The following FBXO47 variants were observed in gnomAD, a reference collection of about 807,000 sequenced individuals.
FBXO47 encodes F-box protein 47, also known as F-box only protein 47.
Under a neutral mutation model 53.9 loss-of-function variants are expected in FBXO47, and 34 were observed. The observed-to-expected ratio is 0.63, with a 90% CI of 0.48 to 0.84. The LOEUF (loss-of-function observed/expected upper bound fraction) is 0.84, where lower values mean the gene tolerates loss of function less well. Ranked by LOEUF, FBXO47 falls within the 40% of genes least tolerant of loss-of-function variation. The pLI, the probability that FBXO47 is intolerant of heterozygous loss-of-function variation, is 0.00. For missense variants in FBXO47, 485 were observed against 541.3 expected (o/e 0.90, Z 1.03); for synonymous variants, 165 against 181.6 (o/e 0.91, Z 0.73).
Position 38,962,953 on chromosome 17 carries a change from T to C in FBXO47, c.73A>G (p.Ser25Gly), listed in dbSNP as rs766059758. 2 of 1,613,350 alleles carry C rather than the reference T, an allele frequency of 1.2e-6. No individual in the cohort carries two copies. The highest frequency in any genetic ancestry group is 1.7e-6 in the Non-Finnish European group (2 of 1,179,516). ...GAGCCAAGGGTCTTGGAATAACAGC[T>C]GGTTTGACGATTACTACGTCTAAGT... ...QKLRRSNRQT[S>G]CYSKTLGSGF... Residue 25 changes from serine to glycine, a missense_variant, in exon 2 of 11, where the codon AGC (serine) becomes GGC (glycine). Physicochemically the swap from Ser to Gly is moderately conservative, Grantham distance 56. Coordinates refer to ENST00000378079, the MANE Select transcript of FBXO47 (RefSeq NM_001008777.3).
At chr17:38,956,781 T>C (rs753240277) in intron 4 of FBXO47, among the ~76,000 whole-genome samples, 5 of 152,128 alleles carry the variant, frequency 3.3e-5, no homozygotes, top group Admixed American at 6.6e-5. Flanking sequence ...TCATTTTATA[T>C]ATTAAAATAC....
chr17:38,946,570 A>C (rs1179157570), intron 6 of FBXO47, among the ~76,000 whole-genome samples: 1 of 84,022 alleles, frequency 1.2e-5, no homozygotes, highest in Non-Finnish European at 2.0e-5. Flanking sequence ...AACTATATAA[A>C]TATATATGAA....
intron 1 of FBXO47, among the ~76,000 whole-genome samples, chr17:38,966,735 C>T (rs1279959450): frequency 2.0e-5 from 3 of 152,132 alleles, no homozygotes; most frequent in Non-Finnish European, 4.4e-5. Flanking sequence ...ACTCAAGTCT[C>T]CACTTATAGT....
chr17:38,952,700 T>C (rs1905355024), intron 5 of FBXO47, among the ~76,000 whole-genome samples: 1 of 152,040 alleles, frequency 6.6e-6, no homozygotes, highest in East Asian at 1.9e-4. Context: ...AACCATGCTG[T>C]GGCTTTAAGA....
chr17:38,951,603 T>C lies in FBXO47; in HGVS notation c.594A>G (p.Gln198=). The change falls in exon 6 of 11, where the codon CAA becomes CAG. Residue 198 remains glutamine, a synonymous_variant. Transcript: ENST00000378079. Reference sequence around the variant, plus strand: ...TACCTGGTTTGCTGCAGACAGCCATTTGTATCTTGCGGCAGAGATTAGTCA... The same window carrying C: ...TACCTGGTTTGCTGCAGACAGCCATCTGTATCTTGCGGCAGAGATTAGTCA... ...CELTNLCRKI[Q]MAVCSKPGSA... is the part of the protein sequence containing the mutation. 6.2e-7 allele frequency: 1 copy of C among 1,613,786 alleles called. No homozygotes were observed. Among genetic ancestry groups the C allele is most frequent in the East Asian group, 2.2e-5 (1 of 44,876 alleles).
At chr17:38,939,652 CTTTTTT>C (rs970784178) in intron 9 of FBXO47, among the ~76,000 whole-genome samples, 3 of 91,122 alleles carry the variant, frequency 3.3e-5, no homozygotes, top group East Asian at 3.8e-4. Context: ...TAAAAGGTTT[CTTTTTT>C]TTTTTTTTTT....
chr17:38,958,792 T>C (rs1218173176), intron 3 of FBXO47, among the ~76,000 whole-genome samples: 1 of 152,160 alleles, frequency 6.6e-6, no homozygotes, highest in Non-Finnish European at 1.5e-5. Flanking sequence ...GAGTAACACA[T>C]GAACAGAATT....
intron 5 of FBXO47, 114 bp downstream of exon 5, chr17:38,954,742 T>G: frequency 1.8e-6 from 1 of 561,400 alleles, no homozygotes; most frequent in Non-Finnish European, 3.0e-6. Context: ...TATTTTATTT[T>G]GCTCTTTTTA....
chr17:38,959,801 A>G (rs921774989), intron 3 of FBXO47, among the ~76,000 whole-genome samples: 1 of 151,418 alleles, frequency 6.6e-6, no homozygotes, highest in African/African-American at 2.4e-5. Flanking sequence ...TTTGTCCTCT[A>G]ATTTGTTTCC....
At chr17:38,964,528 G>A (rs931595436) in intron 1 of FBXO47, among the ~76,000 whole-genome samples, 1 of 152,008 alleles carries the variant, frequency 6.6e-6, no homozygotes, top group African/African-American at 2.4e-5. Context: ...CCTGGGAGGC[G>A]GAGGTTGCTG....
chr17:38,945,960 TATATAA>T (rs1904748436), intron 6 of FBXO47, among the ~76,000 whole-genome samples: 19 of 131,396 alleles, frequency 1.4e-4, no homozygotes, highest in Admixed American at 6.9e-4. Flanking sequence ...TATATATATA[TATATAA>T]ATATATAAAT....
chr17:38,962,074 G>T (rs1352402084), intron 2 of FBXO47, 27 bp from the exon 3 acceptor site: 3 of 1,578,890 alleles, frequency 1.9e-6, no homozygotes, highest in Admixed American at 1.9e-5. Context: ...ATATGTGTAT[G>T]TATCAATGGC....
chr17:38,937,068 A>G lies in FBXO47; in HGVS notation c.*107T>C. On this transcript the variant is annotated 3_prime_UTR_variant, in exon 11 of 11. Coordinates refer to ENST00000378079, the MANE Select transcript of FBXO47 (RefSeq NM_001008777.3). ...TATCCAGCTTTTGAATTCTTAGGTT[A>G]CTTAGATGATAAAAAGTCCCATGGA... The G allele has an allele frequency of 2.2e-6, 1 of 464,562 alleles. No homozygotes were observed. The highest frequency in any genetic ancestry group is 5.3e-5 in the South Asian group (1 of 18,962). 28.8% of individuals were successfully genotyped at this position (464,562 alleles called of 1,614,324 possible).
At chr17:38,945,181 G>T in intron 6 of FBXO47, 45 bp from the exon 7 acceptor site, 2 of 1,431,542 alleles carry the variant, frequency 1.4e-6, no homozygotes, top group Non-Finnish European at 2.0e-6. Context: ...TAGAAAGGCT[G>T]CTGTGCATAT....
intron 6 of FBXO47, among the ~76,000 whole-genome samples, chr17:38,950,308 A>G (rs1054092079): frequency 2.6e-5 from 4 of 151,924 alleles, no homozygotes; most frequent in African/African-American, 9.7e-5. Flanking sequence ...CTCACTTAGC[A>G]TAATGTTTTC....
intron 7 of FBXO47, among the ~76,000 whole-genome samples, chr17:38,944,247 C>A (rs1904643252): frequency 1.4e-5 from 2 of 145,022 alleles, no homozygotes; most frequent in Non-Finnish European, 3.0e-5. Flanking sequence ...GCTTCTTGGC[C>A]AGGCACAGTA....
At chr17:38,946,395 T>C (rs1280383298) in intron 6 of FBXO47, among the ~76,000 whole-genome samples, 1 of 55,900 alleles carries the variant, frequency 1.8e-5, no homozygotes, top group Non-Finnish European at 2.9e-5. Flanking sequence ...TATATATCTA[T>C]ATATAAATAT....
intron 10 of FBXO47, among the ~76,000 whole-genome samples, chr17:38,937,503 T>C (rs1024874510): frequency 2.1e-5 from 3 of 140,860 alleles, no homozygotes; most frequent in East Asian, 2.3e-4. Flanking sequence ...ATTACAGGCA[T>C]GTACCACCAC....
intron 9 of FBXO47, among the ~76,000 whole-genome samples, chr17:38,939,293 CAAAAAAA>C (rs1218321299): frequency 1.1e-4 from 4 of 34,854 alleles, no homozygotes; most frequent in South Asian, 3.3e-3. Flanking sequence ...ACTCCATCTC[CAAAAAAA>C]AAAAAAAAAA....
Sources: gnomAD v4.1 joint callset for allele counts (sites outside exome capture counted in the v4.1 genomes callset) on GRCh38, gnomAD v4.1.1 for gene constraint, MANE v1.5 for transcripts, NCBI Gene and HGNC (gene_info 2026-07-23, HGNC 2026-07-21) for gene names.